Variants in NANS observed in about 807,000 individuals in gnomAD.
The protein encoded by NANS is N-acetylneuraminate synthase.
Under a neutral mutation model 33.3 loss-of-function variants are expected in NANS, and 29 were observed. That is an observed-to-expected ratio of 0.87 (90% confidence interval 0.65 to 1.19). NANS has a LOEUF of 1.19. Ranked by LOEUF, NANS falls within the 50% of genes most tolerant of loss-of-function variation. The pLI is 0.00. For missense variants in NANS, 394 were observed against 461.1 expected, an observed-to-expected ratio of 0.85 and a Z score of 1.33; for synonymous variants, 163 against 177.2, an observed-to-expected ratio of 0.92 and a Z score of 0.64.
In NANS at chr9:98,081,319, A is replaced by G. The variant is rs891647082; in HGVS notation, c.870+237A>G. The G allele has an allele frequency of 5.2e-6, 3 of 575,186 alleles. No individual in the cohort carries two copies. In the South Asian group the frequency reaches 6.2e-5, roughly 12 times the overall value. 35.6% of individuals were successfully genotyped at this position (575,186 alleles called of 1,614,324 possible). A position where few individuals can be genotyped will look rare whatever the true frequency, so the allele number is the denominator to read the frequency against. ...ACTTTAGCAGTTTCTCTGGCCACCTAGGGTCACATTAGAGTCTTCCACTAA... is the reference window on the plus strand; with the variant it reads ...ACTTTAGCAGTTTCTCTGGCCACCTGGGGTCACATTAGAGTCTTCCACTAA... On this transcript the variant is annotated intron_variant, in intron 5 of 5. Transcript: ENST00000210444.
Position 98,082,979 on chromosome 9 carries a change from T to G in NANS, c.1004T>G (p.Val335Gly), listed in dbSNP as rs1204538853. 1.2e-6 allele frequency: 2 copies of G among 1,614,014 alleles called. No individual in the cohort carries two copies. Among genetic ancestry groups the G allele is most frequent in the African/African-American group, 2.7e-5 (2 of 74,920 alleles). ...EDIFNLVGKKVLVTVEEDDTI... is the reference protein window; with the variant it reads ...EDIFNLVGKKGLVTVEEDDTI... Reference sequence around the variant, plus strand: ...ATCTTTAATCTAGTGGGCAAGAAGGTCCTGGTCACTGTTGAAGAGGATGAC... The same window carrying G: ...ATCTTTAATCTAGTGGGCAAGAAGGGCCTGGTCACTGTTGAAGAGGATGAC... The change falls in exon 6 of 6, where the codon GTC becomes GGC. Residue 335 changes from valine (V) to glycine (G), a missense_variant. By Grantham distance (109) the Val-to-Gly change is moderately radical. Transcript: ENST00000210444.
Position 98,081,024 on chromosome 9 carries a change from G to A in NANS, c.812G>A (p.Arg271His), listed in dbSNP as rs781643145. Residue 271 changes from arginine to histidine, a missense_variant, in exon 5 of 6, where the codon CGT becomes CAT. Transcript: ENST00000210444. Reference protein sequence around the residue: ...ELVRSVRLVERALGSPTKQLL... With the variant: ...ELVRSVRLVEHALGSPTKQLL... ...GTGCGGTCAGTGCGTCTTGTGGAGC[G>A]TGCCCTGGGCTCCCCAACCAAGCAG... The A allele has an allele frequency of 8.6e-5, 139 of 1,614,048 alleles. No individual in the cohort carries two copies. The highest frequency in any genetic ancestry group is 1.1e-4 in the Non-Finnish European group (133 of 1,180,034).
At chr9:98,075,658 C>G (rs891001732) in intron 2 of NANS, 1 of 152,150 alleles carries the variant, frequency 6.6e-6, no homozygotes, top group Admixed American at 6.5e-5. Flanking sequence ...AGTCACCATT[C>G]AGAGACATTG....
chr9:98,082,764 T>C, intron 5 of NANS, 82 bp from the exon 6 acceptor site: 2 of 1,355,384 alleles, frequency 1.5e-6, no homozygotes, highest in Admixed American at 4.0e-5. Flanking sequence ...GGAAGACTGA[T>C]CAGGGACCTT....
At chr9:98,082,576 C>T (rs967290834) in intron 5 of NANS, among the ~76,000 whole-genome samples, 3 of 152,238 alleles carry the variant, frequency 2.0e-5, no homozygotes, top group African/African-American at 4.8e-5. Flanking sequence ...ACCCCACAGA[C>T]TGGGATTTGA....
chr9:98,067,862 T>C (rs1829195563), intron 2 of NANS, among the ~76,000 whole-genome samples: 1 of 151,900 alleles, frequency 6.6e-6, no homozygotes. Flanking sequence ...GCTAGGACTA[T>C]AGGCATGCGC....
chr9:98,062,668 T>C (rs560414095), intron 2 of NANS, among the ~76,000 whole-genome samples: 36 of 152,224 alleles, frequency 2.4e-4, no homozygotes, highest in Non-Finnish European at 4.4e-4. Flanking sequence ...CACAAACTTT[T>C]ACCCCACCTT....
chr9:98,056,741 A>C lies in NANS; in HGVS notation c.-68A>C. The C allele has an allele frequency of 6.4e-7, 1 of 1,563,634 alleles. No individual in the cohort carries two copies. Among genetic ancestry groups the C allele is most frequent in the Admixed American group, 1.9e-5 (1 of 52,924 alleles). ...TCTCGCAGCGTTGCTCACAGAACAGAGTAGAGGCGGCGGCGGCGGCGGCCG... is the reference window on the plus strand; with the variant it reads ...TCTCGCAGCGTTGCTCACAGAACAGCGTAGAGGCGGCGGCGGCGGCGGCCG... On this transcript the variant is annotated 5_prime_UTR_variant, in exon 1 of 6. Coordinates refer to ENST00000210444, the MANE Select transcript of NANS (RefSeq NM_018946.4).
At chr9:98,063,851 T>C (rs1829057347) in intron 2 of NANS, among the ~76,000 whole-genome samples, 1 of 150,838 alleles carries the variant, frequency 6.6e-6, no homozygotes, top group Admixed American at 6.7e-5. Context: ...CCTGTTTTTT[T>C]GTGCTAATAA....
intron 1 of NANS, among the ~76,000 whole-genome samples, chr9:98,057,256 C>T (rs2131615703): frequency 6.6e-6 from 1 of 152,348 alleles, no homozygotes; most frequent in Non-Finnish European, 1.5e-5. Flanking sequence ...CTCCCTCCTG[C>T]CCGCGGGTAG....
Position 98,056,768 on chromosome 9 carries a change from A to C in NANS, c.-41A>C. 1 of 1,600,252 alleles carries C rather than the reference A, an allele frequency of 6.2e-7. No individual in the cohort carries two copies. Among genetic ancestry groups the C allele is most frequent in the Non-Finnish European group, 8.5e-7 (1 of 1,175,848 alleles). On this transcript the variant is annotated 5_prime_UTR_variant, in exon 1 of 6. Coordinates refer to ENST00000210444, the MANE Select transcript of NANS (RefSeq NM_018946.4). ...TAGAGGCGGCGGCGGCGGCGGCCGG[A>C]CCCAGACTGGTAGTGAGGCTTTGGA...
intron 4 of NANS, among the ~76,000 whole-genome samples, chr9:98,079,377 A>G (rs1207033494): frequency 6.6e-6 from 1 of 152,140 alleles, no homozygotes; most frequent in Non-Finnish European, 1.5e-5. Context: ...CTGATATTGC[A>G]GTTGTTTTCC....
Position 98,078,273 on chromosome 9 carries a change from C to G in NANS, c.529C>G (p.Pro177Ala). Reference protein sequence around the residue: ...QVYQIVKPLNPNFCFLQCTSA... With the variant: ...QVYQIVKPLNANFCFLQCTSA... Reference sequence around the variant, plus strand: ...TTATCAGATCGTGAAGCCCCTCAACCCCAACTTCTGCTTCTTGCAGTGTAC... The same window carrying G: ...TTATCAGATCGTGAAGCCCCTCAACGCCAACTTCTGCTTCTTGCAGTGTAC... Residue 177 changes from proline (P) to alanine (A), a missense_variant, in exon 4 of 6, where the codon CCC becomes GCC. Pro to Ala is a conservative substitution (Grantham distance 27). Coordinates refer to ENST00000210444, the MANE Select transcript of NANS (RefSeq NM_018946.4). 1.9e-6 allele frequency: 3 copies of G among 1,614,116 alleles called. No homozygotes were observed. Among genetic ancestry groups the G allele is most frequent in the Non-Finnish European group, 2.5e-6 (3 of 1,180,034 alleles).
At chr9:98,061,118 T>A in intron 2 of NANS, 121 bp downstream of exon 2, 1 of 942,022 alleles carries the variant, frequency 1.1e-6, no homozygotes, top group Non-Finnish European at 1.6e-6. Flanking sequence ...TCCCAGCTAC[T>A]GGAGAGGCTA....
intron 4 of NANS, 115 bp from the exon 5 acceptor site, chr9:98,080,701 C>T (rs760712680): frequency 2.1e-5 from 25 of 1,207,456 alleles, no homozygotes; most frequent in Non-Finnish European, 2.7e-5. Context: ...TATCTTGCCC[C>T]TGGCTGCACA....
At chr9:98,064,028 T>G (rs1177113367) in intron 2 of NANS, among the ~76,000 whole-genome samples, 1 of 152,182 alleles carries the variant, frequency 6.6e-6, no homozygotes, top group African/African-American at 2.4e-5. Context: ...CTGTGCCACT[T>G]TTCCAGTTCT....
intron 1 of NANS, among the ~76,000 whole-genome samples, chr9:98,059,265 T>C (rs535713748): frequency 3.5e-4 from 53 of 152,152 alleles, no homozygotes; most frequent in Non-Finnish European, 5.6e-4. Context: ...CCTCGTGATC[T>C]GCCCACCTCG....
chr9:98,080,777 CATG>C, intron 4 of NANS, 36 bp from the exon 5 acceptor site: 1 of 1,539,896 alleles, frequency 6.5e-7, no homozygotes, highest in Non-Finnish European at 8.8e-7. Flanking sequence ...CATAAAGCAG[CATG>C]ATATTTAATG....
chr9:98,060,704 T>C (rs998069568), intron 1 of NANS, 78 bp from the exon 2 acceptor site: 6 of 1,268,126 alleles, frequency 4.7e-6, no homozygotes, highest in Admixed American at 3.5e-5. Context: ...GGTGATGTCA[T>C]AGTGGTTGCT....
Sources: allele counts gnomAD v4.1 joint callset (sites outside exome capture counted in the v4.1 genomes callset), GRCh38; gene constraint gnomAD v4.1.1; transcripts MANE v1.5; gene names NCBI Gene and HGNC (gene_info 2026-07-23, HGNC 2026-07-21).